Variants in AGBL1 observed in about 807,000 individuals in gnomAD.
The protein encoded by AGBL1 is cytosolic carboxypeptidase 4.
AGBL1 carries 130 observed loss-of-function variants against 118.9 expected under a neutral mutation model. The observed-to-expected ratio is 1.09, with a 90% CI of 0.95 to 1.26. AGBL1 has a LOEUF of 1.26. Among genes scored for constraint, AGBL1 ranks in the 50% most tolerant of loss-of-function variants. AGBL1 has a pLI of 0.00. For synonymous variants in AGBL1, 555 were observed against 478.9 expected, an observed-to-expected ratio of 1.16 and a Z score of -2.08; for missense variants, 1,584 against 1,298.1, an observed-to-expected ratio of 1.22 and a Z score of -3.38.
At chr15:86,848,389 G>C (rs2079349466) in intron 22 of AGBL1, among the ~76,000 whole-genome samples, 2 of 152,078 alleles carry the variant, frequency 1.3e-5, no homozygotes, top group South Asian at 4.1e-4. Flanking sequence ...AATTATTTTG[G>C]AAAGAAGGAA....
At chr15:86,265,252 A>G (rs2079053780) in intron 11 of AGBL1, among the ~76,000 whole-genome samples, 2 of 152,196 alleles carry the variant, frequency 1.3e-5, no homozygotes, top group Admixed American at 6.5e-5. Context: ...TCTCTTGCTA[A>G]TAGAAAGGAG....
intron 21 of AGBL1, among the ~76,000 whole-genome samples, chr15:86,636,111 C>G (rs528548271): frequency 6.6e-6 from 1 of 152,154 alleles, no homozygotes; most frequent in Non-Finnish European, 1.5e-5. Context: ...TTTACCATAC[C>G]ACATGAGGGG....
intron 18 of AGBL1, among the ~76,000 whole-genome samples, chr15:86,410,896 A>AATATT (rs1555481559): frequency 8.4e-6 from 1 of 118,572 alleles, no homozygotes; most frequent in African/African-American, 3.2e-5. Context: ...TATATTATAT[A>AATATT]ATATTATATA....
At chr15:86,248,905 T>A (rs1280237792) in intron 7 of AGBL1, among the ~76,000 whole-genome samples, 1 of 152,172 alleles carries the variant, frequency 6.6e-6, no homozygotes, top group East Asian at 1.9e-4. Flanking sequence ...AGATGACACC[T>A]GAGCTGAGAC....
At chr15:86,196,870 C>CGCGCGCGTGT (rs939797270) in intron 5 of AGBL1, among the ~76,000 whole-genome samples, 3 of 88,558 alleles carry the variant, frequency 3.4e-5, no homozygotes, top group African/African-American at 1.6e-4. Flanking sequence ...TGCACATGTG[C>CGCGCGCGTGT]GCGCGCGCGC....
At chr15:87,021,923 T>G (rs899603321) in intron 24 of AGBL1, among the ~76,000 whole-genome samples, 1 of 152,006 alleles carries the variant, frequency 6.6e-6, no homozygotes, top group African/African-American at 2.4e-5. Flanking sequence ...TGCCAAATAC[T>G]CTGCTGGTAT....
In AGBL1 at chr15:86,224,313, A is replaced by G. The variant is rs185976956; in HGVS notation, c.489-601A>G. 9.9e-5 allele frequency among the ~76,000 whole-genome samples: 15 copies of G among 152,240 alleles called. No individual in the cohort carries two copies. The East Asian group carries it at 2.7e-3, about 27-fold the overall frequency. On this transcript the variant is annotated intron_variant, in intron 5 of 22. Coordinates refer to ENST00000614907, the MANE Select transcript of AGBL1 (RefSeq NM_001386094.1). Reference sequence around the variant, plus strand: ...GTCAAAAAGTATTTTTCATTCTCATATGTGTCCCTTTGTTGCAAAGACTGT... The same window carrying G: ...GTCAAAAAGTATTTTTCATTCTCATGTGTGTCCCTTTGTTGCAAAGACTGT...
At chr15:86,530,176 G>C (rs934478270) in intron 19 of AGBL1, among the ~76,000 whole-genome samples, 1 of 141,924 alleles carries the variant, frequency 7.0e-6, no homozygotes, top group African/African-American at 3.1e-5. Context: ...GTTGGATAAA[G>C]AGTCAAGACC....
chr15:86,388,282 A>G, intron 17 of AGBL1, among the ~76,000 whole-genome samples: 1 of 152,140 alleles, frequency 6.6e-6, no homozygotes, highest in African/African-American at 2.4e-5. Flanking sequence ...TTTTCTGCTT[A>G]TTAGCACTAG....
intron 1 of AGBL1, among the ~76,000 whole-genome samples, chr15:86,127,016 A>G (rs1314764376): frequency 6.6e-6 from 1 of 152,204 alleles, no homozygotes; most frequent in Non-Finnish European, 1.5e-5. Flanking sequence ...GATGTGCCTC[A>G]TGAGATGAGG....
At position 86,081,664 on chromosome 15, in the gene AGBL1, C is replaced by T. The variant is rs558792917; in HGVS notation, c.51+1641C>T. Among the ~76,000 whole-genome samples, 4 of 152,190 alleles carry T rather than the reference C, an allele frequency of 2.6e-5. No individual in the cohort carries two copies. In the South Asian group the frequency reaches 8.3e-4, roughly 32 times the overall value. On this transcript the variant is annotated intron_variant, in intron 1 of 22. Coordinates refer to ENST00000614907, the MANE Select transcript of AGBL1 (RefSeq NM_001386094.1). ...ATTTATTTGATTTAATAACCAGGTACAATAAGCTGACATTCTGAGACCTCT... is the reference window on the plus strand; with the variant it reads ...ATTTATTTGATTTAATAACCAGGTATAATAAGCTGACATTCTGAGACCTCT...
intron 22 of AGBL1, among the ~76,000 whole-genome samples, chr15:86,700,371 A>C (rs951187703): frequency 1.3e-5 from 2 of 151,768 alleles, no homozygotes; most frequent in Admixed American, 1.3e-4. Flanking sequence ...TCATCTCTAG[A>C]ATCACCCATT....
chr15:86,634,124 G>A (rs575659093), intron 21 of AGBL1, among the ~76,000 whole-genome samples: 12 of 152,122 alleles, frequency 7.9e-5, no homozygotes, highest in South Asian at 2.1e-4. Flanking sequence ...AGAATGTAAC[G>A]TGGTGAAATC....
intron 23 of AGBL1, among the ~76,000 whole-genome samples, chr15:86,924,587 C>T (rs1010347651): frequency 1.8e-4 from 28 of 152,188 alleles, no homozygotes; most frequent in African/African-American, 2.6e-4. Flanking sequence ...GAGAGAAAGA[C>T]GACAGCTCTG....
In AGBL1 at chr15:86,941,820, C is replaced by T. The variant is rs547902550; in HGVS notation, c.3222-46167C>T. 5.3e-5 allele frequency among the ~76,000 whole-genome samples: 8 copies of T among 152,350 alleles called. No individual in the cohort carries two copies. In the South Asian group the frequency reaches 8.3e-4, roughly 16 times the overall value. Reference sequence around the variant, plus strand: ...TGATGCAGGAGAACCATGCACACTACAGGAGCAGGCCCAGGGAACATGCCA... The same window carrying T: ...TGATGCAGGAGAACCATGCACACTATAGGAGCAGGCCCAGGGAACATGCCA... On this transcript the variant is annotated intron_variant, in intron 23 of 24. Transcript: ENST00000441037.
At chr15:86,202,532 G>T (rs934904500) in intron 5 of AGBL1, among the ~76,000 whole-genome samples, 39 of 152,318 alleles carry the variant, frequency 2.6e-4, no homozygotes, top group African/African-American at 9.4e-4. Flanking sequence ...CAATTGAAAT[G>T]AGTGAATAAG....
intron 22 of AGBL1, among the ~76,000 whole-genome samples, chr15:86,705,671 A>G (rs750519108): frequency 7.8e-4 from 119 of 152,166 alleles, no homozygotes; most frequent in Non-Finnish European, 1.1e-3. Context: ...ACATTGTTTA[A>G]TTTATACTCT....
chr15:86,291,516 G>C (rs900522464), intron 16 of AGBL1, among the ~76,000 whole-genome samples: 3 of 152,118 alleles, frequency 2.0e-5, no homozygotes, highest in Admixed American at 6.6e-5. Context: ...GCTTTATCCA[G>C]AAGTAAATTT....
chr15:86,693,536 C>G (rs1407623182), intron 22 of AGBL1, among the ~76,000 whole-genome samples: 1 of 152,034 alleles, frequency 6.6e-6, no homozygotes, highest in Non-Finnish European at 1.5e-5. Context: ...TGAAGATATT[C>G]TCCCATTCTG....
Sources: gnomAD v4.1 joint callset for allele counts (sites outside exome capture counted in the v4.1 genomes callset) on GRCh38, gnomAD v4.1.1 for gene constraint, MANE v1.5 for transcripts, NCBI Gene and HGNC (gene_info 2026-07-23, HGNC 2026-07-21) for gene names.